Variants in EEF2 observed in about 807,000 individuals in gnomAD.
The protein encoded by EEF2 is eukaryotic translation elongation factor 2.
Under a neutral mutation model 85.3 loss-of-function variants are expected in EEF2, and 21 were observed. The ratio of observed to expected loss-of-function variants is 0.25; its 90% CI spans 0.17 to 0.35. EEF2 has a LOEUF of 0.35. Among genes scored for constraint, EEF2 ranks in the 10% least tolerant of loss-of-function variants. EEF2 has a pLI of 1.00. For missense variants in EEF2, 825 were observed against 1,225.3 expected (o/e 0.67, Z 4.88); for synonymous variants, 723 against 508.8 (o/e 1.42, Z -5.67).
chr19:3,984,930 G>A lies in EEF2; in HGVS notation c.3+448C>T, dbSNP rs746658675. The stretch of plus-strand genomic sequence containing the variant: ...TCGACGATTAACAGCATCAGGAGAA[G>A]GTATTTGGAAGGAAAAGGGGAGCCT... On this transcript the variant is annotated intron_variant, in intron 1 of 14. Transcript: ENST00000309311. 2.1e-4 allele frequency: 38 copies of A among 182,898 alleles called. 1 individual carries two copies. Among genetic ancestry groups the A allele is most frequent in the Non-Finnish European group, 4.1e-4 (36 of 88,812 alleles). 11.3% of individuals were successfully genotyped at this position (182,898 alleles called of 1,614,324 possible). A position where few individuals can be genotyped will look rare whatever the true frequency, so the allele number is the denominator to read the frequency against.
At chr19:3,983,536 C>A (rs1001266215) in intron 2 of EEF2, among the ~76,000 whole-genome samples, 2 of 152,124 alleles carry the variant, frequency 1.3e-5, no homozygotes, top group African/African-American at 4.8e-5. Context: ...TCCTGCCCCA[C>A]CGACTTGGTC....
rs781671088 is a variant in EEF2, at chr19:3,976,548, G to A, written c.*6C>T. On this transcript the variant is annotated 3_prime_UTR_variant, in exon 15 of 15. Coordinates refer to ENST00000309311, the MANE Select transcript of EEF2 (RefSeq NM_001961.4). ...CCGGGGCGGCAGGCGCTGCAGGAAG[G>A]GCCGCCTACAATTTGTCCAGGAAGT... The A allele has an allele frequency of 6.9e-6, 11 of 1,600,374 alleles. No homozygotes were observed. Among genetic ancestry groups the A allele is most frequent in the African/African-American group, 4.0e-5 (3 of 74,688 alleles).
chr19:3,985,244 C>T (rs560605431), intron 1 of EEF2, 134 bp downstream of exon 1: 3 of 1,039,016 alleles, frequency 2.9e-6, no homozygotes, highest in East Asian at 3.3e-5. Flanking sequence ...GCTTCCCCAG[C>T]CCCGGGTCCT....
chr19:3,979,778 C>T (rs1045212355), intron 10 of EEF2, 30 bp downstream of exon 10: 17 of 1,600,834 alleles, frequency 1.1e-5, no homozygotes, highest in Non-Finnish European at 1.4e-5. Flanking sequence ...CTCAGGGTGT[C>T]TGCTCCCAGC....
chr19:3,984,637 T>G (rs75547020), intron 1 of EEF2, among the ~76,000 whole-genome samples: 3,044 of 152,296 alleles, frequency 0.02, 36 homozygotes, highest in Non-Finnish European at 0.029. Context: ...GTACAAATAC[T>G]AAAGTCTCAT....
At position 3,982,228 on chromosome 19, in the gene EEF2, A is replaced by T. The variant is rs767949923; in HGVS notation, c.791+18T>A. On this transcript the variant is annotated intron_variant, in intron 5 of 14. Transcript: ENST00000309311. ...CCCCAGGTGTCAGGAATCCCCCACC[A>T]TATCCCGCGGGGCTCACCTGTCACC... is the stretch of plus-strand genomic sequence containing the variant. 14 of 1,612,736 alleles carry T rather than the reference A, an allele frequency of 8.7e-6. No homozygotes were observed. The highest frequency in any genetic ancestry group is 1.1e-5 in the Non-Finnish European group (13 of 1,179,074).
At chr19:3,980,387 G>T (rs1011245713) in intron 9 of EEF2, 127 bp downstream of exon 9, 2 of 1,232,314 alleles carry the variant, frequency 1.6e-6, no homozygotes, top group African/African-American at 3.0e-5. Context: ...GTTGTGGCTG[G>T]CACAAGTATC....
chr19:3,981,295 C>G, intron 7 of EEF2, 44 bp downstream of exon 7: 2 of 1,576,578 alleles, frequency 1.3e-6, no homozygotes, highest in Non-Finnish European at 1.7e-6. Context: ...CCGGAAACAG[C>G]AGCCTGTGTT....
At position 3,985,429 on chromosome 19, in the gene EEF2, T is replaced by C. The variant is rs377104055; in HGVS notation, c.-49A>G. On this transcript the variant is annotated 5_prime_UTR_variant, in exon 1 of 15. Transcript: ENST00000309311. ...CCCAGGTAGAACCGAAAGAAGCGAG[T>C]CGCGCCGAGGATGGCGGCGACGACG... 105 of 1,464,516 alleles carry C rather than the reference T, an allele frequency of 7.2e-5. 1 individual carries two copies. Among genetic ancestry groups the C allele is most frequent in the African/African-American group, 4.2e-4 (29 of 69,278 alleles). The allele number at this position is 1,464,516 out of a possible 1,614,324, so 90.7% of individuals were successfully genotyped here. A position where few individuals can be genotyped will look rare whatever the true frequency, so the allele number is the denominator to read the frequency against.
chr19:3,979,334 T>G lies in EEF2; in HGVS notation c.1708A>C (p.Ile570Leu). Reference sequence around the variant, plus strand: ...GCTGGTCACTGGCGCCTCACCTTGATGGGGATGCAGGCGTGGTCCTCCTCC... The same window carrying G: ...GCTGGTCACTGGCGCCTCACCTTGAGGGGGATGCAGGCGTGGTCCTCCTCC... Reference protein sequence around the residue: ...DLEEDHACIPIKKSDPVVSYR... With the variant: ...DLEEDHACIPLKKSDPVVSYR... Residue 570 changes from isoleucine (I) to leucine (L), a missense_variant, in exon 11 of 15, where the codon ATC (isoleucine) becomes CTC (leucine). Transcript: ENST00000309311. 5 of 1,613,702 alleles carry G rather than the reference T, an allele frequency of 3.1e-6. No homozygotes were observed. Among genetic ancestry groups the G allele is most frequent in the Non-Finnish European group, 4.2e-6 (5 of 1,179,712 alleles).
Position 3,982,293 on chromosome 19 carries a change from C to T in EEF2, c.744G>A (p.Glu248=), listed in dbSNP as rs1381890575. 2 of 1,614,200 alleles carry T rather than the reference C, an allele frequency of 1.2e-6. No individual in the cohort carries two copies. The highest frequency in any genetic ancestry group is 8.5e-7 in the Non-Finnish European group (1 of 1,180,030). The change falls in exon 5 of 15, where the codon GAG becomes GAA. Residue 248 remains glutamate, a synonymous_variant. Transcript: ENST00000309311. ...TCATGTCCTCTACTTTCTTGGCCCG[C>T]TCGGCAGGCCCCAACTGGCCCTCCC... ...AKGEGQLGPA[E]RAKKVEDMMK...
Position 3,977,696 on chromosome 19 carries a change from A to AG in EEF2, c.2068-87dup. On this transcript the variant is annotated intron_variant, in intron 12 of 14. Coordinates refer to ENST00000309311, the MANE Select transcript of EEF2 (RefSeq NM_001961.4). This position sits in a 1 kb window ranked among gnomAD's most constrained non-coding sequence, Gnocchi z 5.4. The stretch of plus-strand genomic sequence containing the variant: ...CTGCCAAGTCCTGCAGGTCTCCACC[A>AG]GGGGGACCTGGGGCCTTGCCCGCCT... 1 of 1,475,192 alleles carries AG rather than the reference A, an allele frequency of 6.8e-7. No individual in the cohort carries two copies. The highest frequency in any genetic ancestry group is 9.0e-7 in the Non-Finnish European group (1 of 1,116,276). The allele number at this position is 1,475,192 out of a possible 1,614,324, so 91.4% of individuals were successfully genotyped here.
chr19:3,982,530 T>G (rs758281981), intron 4 of EEF2, 106 bp from the exon 5 acceptor site: 2 of 1,401,542 alleles, frequency 1.4e-6, no homozygotes, highest in East Asian at 4.6e-5. Flanking sequence ...CTTTCTTCAG[T>G]AGACATCTGG....
chr19:3,977,868 T>G lies in EEF2; in HGVS notation c.2018A>C (p.Asn673Thr). The change falls in exon 12 of 15, where the codon AAC becomes ACC. Residue 673 changes from asparagine (N) to threonine (T), a missense_variant. By Grantham distance (65) the Asn-to-Thr change is moderately conservative (BLOSUM62 0). Coordinates refer to ENST00000309311, the MANE Select transcript of EEF2 (RefSeq NM_001961.4). The surrounding 1 kb of genome is among the most constrained non-coding windows in gnomAD (Gnocchi z 5.4). The stretch of plus-strand genomic sequence containing the variant: ...GGCCACCACACTGTCCTTGATCTCG[T>G]TGAGGTACTGCACACCCTTGGTGAT... ...TDITKGVQYL[N>T]EIKDSVVAGF... 2.5e-6 allele frequency: 4 copies of G among 1,611,168 alleles called. No homozygotes were observed. Among genetic ancestry groups the G allele is most frequent in the Non-Finnish European group, 3.4e-6 (4 of 1,178,256 alleles).
intron 10 of EEF2, 155 bp from the exon 11 acceptor site, chr19:3,979,591 A>T: frequency 1.1e-6 from 1 of 913,670 alleles, no homozygotes; most frequent in Non-Finnish European, 1.6e-6. Flanking sequence ...AAGAAATGTT[A>T]AGTCCCACAA....
chr19:3,979,936 T>G lies in EEF2; in HGVS notation c.1477A>C (p.Asn493His). 4 of 1,613,954 alleles carry G rather than the reference T, an allele frequency of 2.5e-6. No homozygotes were observed. The highest frequency in any genetic ancestry group is 3.4e-6 in the Non-Finnish European group (4 of 1,180,052). ...ACGCTGAACTTCATCACCCGCATGT[T>G]GTGCGCGTGCTCGAAGGTGGTGATG... ...GTITTFEHAH[N>H]MRVMKFSVSP... The change falls in exon 10 of 15, where the codon AAC becomes CAC. Residue 493 changes from asparagine to histidine, a missense_variant. Coordinates refer to ENST00000309311, the MANE Select transcript of EEF2 (RefSeq NM_001961.4).
At chr19:3,979,531 A>C in intron 10 of EEF2, 95 bp from the exon 11 acceptor site, 1 of 1,146,850 alleles carries the variant, frequency 8.7e-7, no homozygotes, top group South Asian at 1.4e-5. Flanking sequence ...CCCCGCCAGA[A>C]CAAGATTTCA....
chr19:3,977,499 G>A lies in EEF2; in HGVS notation c.2179C>T (p.Arg727Cys). 1.9e-6 allele frequency: 3 copies of A among 1,590,284 alleles called. No homozygotes were observed. The highest frequency in any genetic ancestry group is 1.7e-6 in the Non-Finnish European group (2 of 1,173,654). The change falls in exon 13 of 15, where the codon CGC (arginine) becomes TGC (cysteine). Residue 727 changes from arginine (R) to cysteine (C), a missense_variant. Physicochemically the swap from Arg to Cys is radical, Grantham distance 180 (BLOSUM62 -3). Transcript: ENST00000309311. This position sits in a 1 kb window ranked among gnomAD's most constrained non-coding sequence, Gnocchi z 5.4. ...GGGQIIPTARRCLYASVLTAQ... is the reference protein window; with the variant it reads ...GGGQIIPTARCCLYASVLTAQ... ...GTCAGCACACTGGCATAGAGGCAGC[G>A]CCGTGCTGTGGGGATGATCTGGCCC... is the stretch of plus-strand genomic sequence containing the variant.
In EEF2 at chr19:3,984,362, A is replaced by G; in HGVS notation, c.4-12T>C. ...ACCGTGAAGTTCACCTGGGCAAGACAAGGAGGCTCAGACCAGCTCGTGATT... is the reference window on the plus strand; with the variant it reads ...ACCGTGAAGTTCACCTGGGCAAGACGAGGAGGCTCAGACCAGCTCGTGATT... On this transcript the variant is annotated splice_polypyrimidine_tract_variant and intron_variant, in intron 1 of 14. Coordinates refer to ENST00000309311, the MANE Select transcript of EEF2 (RefSeq NM_001961.4). 7 of 1,613,048 alleles carry G rather than the reference A, an allele frequency of 4.3e-6. No homozygotes were observed. The highest frequency in any genetic ancestry group is 5.9e-6 in the Non-Finnish European group (7 of 1,179,104).
Sources: allele counts gnomAD v4.1 joint callset (sites outside exome capture counted in the v4.1 genomes callset), GRCh38; gene constraint gnomAD v4.1.1; non-coding constraint Gnocchi (gnomAD v3.1); transcripts MANE v1.5; gene names NCBI Gene and HGNC (gene_info 2026-07-23, HGNC 2026-07-21).